LNP1: variants seen among roughly 807,000 people sequenced by gnomAD.
LNP1 encodes the protein leukemia NUP98 fusion partner 1.
Under a neutral mutation model 14.5 loss-of-function variants are expected in LNP1, and 12 were observed. The observed-to-expected ratio is 0.83, with a 90% confidence interval of 0.53 to 1.34. LNP1 has a LOEUF of 1.34. LNP1 is among the 40% of genes most tolerant of loss of function. The pLI is 0.00. For synonymous variants in LNP1, 75 were observed against 71.4 expected (o/e 1.05, Z -0.26); for missense variants, 198 against 210.9 (o/e 0.94, Z 0.38).
chr3:100,435,922 C>G (rs1707290212), intron 2 of LNP1, among the ~76,000 whole-genome samples: 1 of 152,130 alleles, frequency 6.6e-6, no homozygotes, highest in African/African-American at 2.4e-5. Flanking sequence ...GTGCAGCCCC[C>G]ATAAACTGGC....
At chr3:100,418,568 T>C (rs1559841217) in intron 1 of LNP1, among the ~76,000 whole-genome samples, 1 of 152,218 alleles carries the variant, frequency 6.6e-6, no homozygotes, top group Non-Finnish European at 1.5e-5. Context: ...TAGAATGACA[T>C]AGGGTGCAGG....
chr3:100,414,629 AG>A (rs1707063861), intron 1 of LNP1, among the ~76,000 whole-genome samples: 1 of 152,136 alleles, frequency 6.6e-6, no homozygotes, highest in Non-Finnish European at 1.5e-5. Flanking sequence ...GAGAGGTCAA[AG>A]AGATTGGAAG....
intron 1 of LNP1, among the ~76,000 whole-genome samples, chr3:100,416,457 C>T (rs1707084235): frequency 6.6e-6 from 1 of 151,956 alleles, no homozygotes; most frequent in Non-Finnish European, 1.5e-5. Flanking sequence ...TCTTTTGTTG[C>T]TGCTGCTGCT....
At chr3:100,450,471 C>G (rs994874022) in intron 2 of LNP1, among the ~76,000 whole-genome samples, 1 of 151,824 alleles carries the variant, frequency 6.6e-6, no homozygotes, top group Non-Finnish European at 1.5e-5. Context: ...GTAGCTGGGA[C>G]TACAGGCACA....
At chr3:100,414,488 A>C (rs1317902270) in intron 1 of LNP1, among the ~76,000 whole-genome samples, 2 of 152,010 alleles carry the variant, frequency 1.3e-5, no homozygotes, top group South Asian at 2.1e-4. Flanking sequence ...CAGAGGTTGC[A>C]GTGAGCCGAG....
intron 1 of LNP1, among the ~76,000 whole-genome samples, chr3:100,410,338 C>T (rs140364276): frequency 6.6e-6 from 1 of 150,542 alleles, no homozygotes; most frequent in Non-Finnish European, 1.5e-5. Flanking sequence ...ATGTTAAGGG[C>T]CATTTTGGTG....
intron 1 of LNP1, among the ~76,000 whole-genome samples, chr3:100,404,777 C>A (rs923455348): frequency 6.8e-6 from 1 of 146,378 alleles, no homozygotes; most frequent in Middle Eastern, 3.2e-3. Flanking sequence ...CTCATTCTTT[C>A]TCTTTGTGTT....
chr3:100,413,953 C>T (rs540756752), intron 1 of LNP1, among the ~76,000 whole-genome samples: 38 of 152,128 alleles, frequency 2.5e-4, no homozygotes, highest in Middle Eastern at 3.4e-3. Flanking sequence ...CATTTTTTCC[C>T]GACCAGTGGA....
Position 100,409,544 on chromosome 3 carries a change from A to C in LNP1, c.-34+7105A>C, listed in dbSNP as rs533136473. 7.3e-3 allele frequency among the ~76,000 whole-genome samples: 989 copies of C among 136,152 alleles called. 4 individuals are homozygous for C. The highest frequency in any genetic ancestry group is 0.01 in the Non-Finnish European group (636 of 63,228). The allele number at this position is 136,152 out of a possible 152,430, so 89.3% of individuals were successfully genotyped here. ...TGCAATTCCAGCTCTCTCTCTCTCT[A>C]TATATATATACATACACACACACAC... is the stretch of plus-strand genomic sequence containing the variant. On this transcript the variant is annotated intron_variant, in intron 1 of 3. Coordinates refer to ENST00000383693, the MANE Select transcript of LNP1 (RefSeq NM_001085451.2).
chr3:100,429,154 C>T (rs1490359331), intron 1 of LNP1, among the ~76,000 whole-genome samples: 1 of 152,164 alleles, frequency 6.6e-6, no homozygotes, highest in Admixed American at 6.5e-5. Context: ...ATTTAAAAAA[C>T]TACTCCTTTT....
chr3:100,408,621 A>T (rs1706995324), intron 1 of LNP1, among the ~76,000 whole-genome samples: 1 of 152,166 alleles, frequency 6.6e-6, no homozygotes, highest in Non-Finnish European at 1.5e-5. Flanking sequence ...ATGGTTTCCC[A>T]TCTGCTGCCG....
chr3:100,443,098 A>G (rs911835225), intron 2 of LNP1, among the ~76,000 whole-genome samples: 2 of 152,162 alleles, frequency 1.3e-5, no homozygotes, highest in Admixed American at 6.6e-5. Flanking sequence ...TCTGAAGTTT[A>G]AGTTGTCTAG....
chr3:100,440,566 G>A (rs779997614), intron 2 of LNP1, among the ~76,000 whole-genome samples: 15 of 152,106 alleles, frequency 9.9e-5, no homozygotes, highest in Non-Finnish European at 1.6e-4. Flanking sequence ...TAAAAATATT[G>A]TTATTTTATT....
intron 2 of LNP1, among the ~76,000 whole-genome samples, chr3:100,434,300 C>T (rs916728932): frequency 3.9e-5 from 6 of 152,124 alleles, no homozygotes; most frequent in African/African-American, 1.4e-4. Flanking sequence ...CCAATTTTCC[C>T]AGCACCATTT....
At chr3:100,415,229 T>C (rs955077142) in intron 1 of LNP1, among the ~76,000 whole-genome samples, 2 of 152,188 alleles carry the variant, frequency 1.3e-5, no homozygotes, top group African/African-American at 4.8e-5. Flanking sequence ...AAAAGGTATT[T>C]GTGATGTTTA....
At chr3:100,442,389 CCAA>C (rs1395314567) in intron 2 of LNP1, among the ~76,000 whole-genome samples, 1 of 152,104 alleles carries the variant, frequency 6.6e-6, no homozygotes, top group African/African-American at 2.4e-5. Context: ...TCAGGAGGTC[CCAA>C]CAACAAGTGC....
At chr3:100,448,916 C>T (rs1378896949) in intron 2 of LNP1, among the ~76,000 whole-genome samples, 1 of 152,070 alleles carries the variant, frequency 6.6e-6, no homozygotes, top group Non-Finnish European at 1.5e-5. Flanking sequence ...GTTTCACAAC[C>T]CTAGGCAGTT....
intron 2 of LNP1, among the ~76,000 whole-genome samples, chr3:100,438,271 T>G (rs1044530206): frequency 6.6e-6 from 1 of 152,222 alleles, no homozygotes; most frequent in Non-Finnish European, 1.5e-5. Flanking sequence ...TCCCCAACTT[T>G]CCTTTTAGGT....
chr3:100,402,849 T>C (rs1260148660), intron 1 of LNP1, among the ~76,000 whole-genome samples: 1 of 152,236 alleles, frequency 6.6e-6, no homozygotes, highest in Admixed American at 6.5e-5. Context: ...CTTCAGTCCC[T>C]GTCCTCAGCT....
Sources: gnomAD v4.1 joint callset for allele counts (sites outside exome capture counted in the v4.1 genomes callset) on GRCh38, gnomAD v4.1.1 for gene constraint, MANE v1.5 for transcripts, NCBI Gene and HGNC (gene_info 2026-07-23, HGNC 2026-07-21) for gene names.